Variants in SLC38A12 observed in about 807,000 individuals in gnomAD.
SLC38A12 encodes solute carrier family 38 member 12, also known as putative sodium-coupled neutral amino acid transporter 12.
chr17:74,836,412 G>A, the SLC38A12 span: 1 of 1,610,258 alleles, frequency 6.2e-7, no homozygotes, highest in Non-Finnish European at 8.5e-7. The surrounding 1 kb of genome is among the most constrained non-coding windows in gnomAD (Gnocchi z 4.2). Context: ...CATCACCCTG[G>A]TGCCGCCTGT....
At chr17:74,792,527 A>G in the SLC38A12 span, among the ~76,000 whole-genome samples, 1 of 152,166 alleles carries the variant, frequency 6.6e-6, no homozygotes, top group Non-Finnish European at 1.5e-5. Context: ...ATTGAGAGTC[A>G]GTCACATTCT....
chr17:74,812,719 C>T, the SLC38A12 span, among the ~76,000 whole-genome samples: 2 of 152,186 alleles, frequency 1.3e-5, no homozygotes, highest in Non-Finnish European at 2.9e-5. Context: ...TGGTCAGCTC[C>T]CACAGGTCTC....
the SLC38A12 span, chr17:74,790,155 C>T: frequency 9.4e-5 from 142 of 1,504,358 alleles, no homozygotes; most frequent in Non-Finnish European, 1.2e-4. Context: ...CCTTTCTTTT[C>T]CCTTGTTTTC....
chr17:74,801,927 C>T, the SLC38A12 span, among the ~76,000 whole-genome samples: 5 of 152,132 alleles, frequency 3.3e-5, no homozygotes, highest in South Asian at 2.1e-4. Flanking sequence ...CACTCACTCC[C>T]ACACTGCAGC....
At chr17:74,782,212 C>T in the SLC38A12 span, among the ~76,000 whole-genome samples, 2 of 152,236 alleles carry the variant, frequency 1.3e-5, no homozygotes, top group Admixed American at 6.5e-5. Flanking sequence ...GGATTACAGG[C>T]GTGCACCATC....
the SLC38A12 span, chr17:74,819,987 C>G: frequency 1.4e-6 from 1 of 702,092 alleles, no homozygotes; most frequent in Non-Finnish European, 2.4e-6. Context: ...GGTCCTCCCA[C>G]CTTTCCAAAG....
the SLC38A12 span, chr17:74,776,559 G>C: frequency 0.58 from 88,183 of 151,408 alleles, 26,189 homozygotes; most frequent in Non-Finnish European, 0.64. Flanking sequence ...CGGCGGCTTG[G>C]GAGCTGGCTG....
At chr17:74,788,792 C>T in the SLC38A12 span, 9,406 of 1,612,998 alleles carry the variant, frequency 5.8e-3, 476 homozygotes, top group African/African-American at 0.11. Context: ...CCCTCAGCTT[C>T]GTGACCACCA....
the SLC38A12 span, chr17:74,838,930 C>A: frequency 6.5e-7 from 1 of 1,535,744 alleles, no homozygotes; most frequent in African/African-American, 1.4e-5. Context: ...AAGAGGATGC[C>A]AGCCCAGCCT....
the SLC38A12 span, among the ~76,000 whole-genome samples, chr17:74,800,664 G>A: frequency 5.3e-5 from 8 of 152,274 alleles, no homozygotes; most frequent in African/African-American, 1.9e-4. Flanking sequence ...TGGAGACTCT[G>A]GGGACACTGT....
chr17:74,814,510 A>G, the SLC38A12 span, among the ~76,000 whole-genome samples: 5 of 152,192 alleles, frequency 3.3e-5, no homozygotes, highest in Admixed American at 6.5e-5. Flanking sequence ...TTTTGATTTG[A>G]TGTGTGTTTC....
the SLC38A12 span, among the ~76,000 whole-genome samples, chr17:74,822,145 A>C: frequency 6.6e-6 from 1 of 152,298 alleles, no homozygotes; most frequent in African/African-American, 2.4e-5. Context: ...ATAAAGAGCG[A>C]TTGTCTCAGA....
At chr17:74,799,108 T>C in the SLC38A12 span, among the ~76,000 whole-genome samples, 1 of 152,194 alleles carries the variant, frequency 6.6e-6, no homozygotes, top group Non-Finnish European at 1.5e-5. Flanking sequence ...CCAATATTCC[T>C]GTCCCCTGTC....
chr17:74,779,339 G>A, the SLC38A12 span, among the ~76,000 whole-genome samples: 2 of 152,084 alleles, frequency 1.3e-5, no homozygotes, highest in Non-Finnish European at 2.9e-5. Flanking sequence ...GTTTTATTTC[G>A]TTCAGGGTCT....
At chr17:74,798,975 T>C in the SLC38A12 span, among the ~76,000 whole-genome samples, 2 of 152,120 alleles carry the variant, frequency 1.3e-5, no homozygotes, top group Non-Finnish European at 2.9e-5. Flanking sequence ...TATGAACCAG[T>C]TCTGTTTGGG....
chr17:74,790,125 C>T, the SLC38A12 span: 1 of 1,239,098 alleles, frequency 8.1e-7, no homozygotes, highest in East Asian at 2.3e-5. Flanking sequence ...GGCTAACATT[C>T]TGTACTTTTT....
the SLC38A12 span, among the ~76,000 whole-genome samples, chr17:74,802,049 A>C: frequency 1.3e-5 from 2 of 151,362 alleles, no homozygotes; most frequent in Non-Finnish European, 2.9e-5. Flanking sequence ...TTCTTCCCGG[A>C]GTTGCTCCAG....
the SLC38A12 span, chr17:74,795,752 A>G: frequency 2.6e-6 from 2 of 766,922 alleles, no homozygotes; most frequent in Non-Finnish European, 4.3e-6. Context: ...ACTCTTCTCC[A>G]CACTCTGGCT....
At chr17:74,819,912 G>T in the SLC38A12 span, 1 of 1,388,310 alleles carries the variant, frequency 7.2e-7, no homozygotes, top group Non-Finnish European at 1.0e-6. Context: ...TTTCATGAGA[G>T]GCCGTGCAGG....
Sources: gnomAD v4.1 joint callset for allele counts (sites outside exome capture counted in the v4.1 genomes callset) on GRCh38, gnomAD v4.1.1 for gene constraint, Gnocchi (gnomAD v3.1) non-coding constraint, MANE v1.5 for transcripts, NCBI Gene and HGNC (gene_info 2026-07-23, HGNC 2026-07-21) for gene names.